The following OCIAD1 variants were observed in gnomAD, a reference collection of about 807,000 sequenced individuals.
OCIAD1 encodes OCIA domain containing 1.
A neutral mutation model predicts 38.9 loss-of-function variants in OCIAD1; 29 were observed. The observed-to-expected ratio is 0.74, with a 90% CI of 0.55 to 1.02. The LOEUF (loss-of-function observed/expected upper bound fraction) is 1.02, where lower values mean the gene tolerates loss of function less well. OCIAD1 is among the 50% of genes least tolerant of loss of function. OCIAD1 has a pLI of 0.00. For missense variants in OCIAD1, 288 were observed against 289.6 expected (o/e 0.99, Z 0.04); for synonymous variants, 110 against 92.0 (o/e 1.20, Z -1.12).
chr4:48,809,417 A>C (rs1356355525), intron 1 of OCIAD1, among the ~76,000 whole-genome samples: 1 of 152,010 alleles, frequency 6.6e-6, no homozygotes, highest in Non-Finnish European at 1.5e-5. Flanking sequence ...CCAGCTACTT[A>C]GGGAGGCTGA....
At chr4:48,823,422 G>A (rs1265733996) in intron 1 of OCIAD1, among the ~76,000 whole-genome samples, 2 of 151,934 alleles carry the variant, frequency 1.3e-5, no homozygotes, top group South Asian at 2.1e-4. Flanking sequence ...GAGGGAGAGC[G>A]TTAGGGCAAA....
At chr4:48,833,009 G>A (rs1314074175) in intron 2 of OCIAD1, among the ~76,000 whole-genome samples, 5 of 152,104 alleles carry the variant, frequency 3.3e-5, no homozygotes, top group African/African-American at 1.2e-4. Flanking sequence ...CCAGCACTTT[G>A]GGAGGCTGAG....
intron 1 of OCIAD1, among the ~76,000 whole-genome samples, chr4:48,816,914 G>A (rs1777148992): frequency 6.6e-6 from 1 of 152,196 alleles, no homozygotes; most frequent in African/African-American, 2.4e-5. Flanking sequence ...AGGTTGCAGT[G>A]AGTGGAGATT....
chr4:48,817,132 T>C (rs186500965), intron 1 of OCIAD1, among the ~76,000 whole-genome samples: 16 of 152,212 alleles, frequency 1.1e-4, no homozygotes, highest in African/African-American at 2.4e-5. Context: ...GTCCAACTCA[T>C]GGAGAGTAAG....
intron 1 of OCIAD1, among the ~76,000 whole-genome samples, chr4:48,813,900 T>C (rs1376341446): frequency 2.6e-5 from 4 of 152,206 alleles, no homozygotes; most frequent in Non-Finnish European, 2.9e-5. Context: ...GTTGTAAAAA[T>C]ATATGTTTTA....
At chr4:48,848,134 TAC>T (rs1008881657) in intron 4 of OCIAD1, among the ~76,000 whole-genome samples, 1 of 152,044 alleles carries the variant, frequency 6.6e-6, no homozygotes, top group East Asian at 1.9e-4. Context: ...CAGTTTTTCA[TAC>T]ACACACACAT....
intron 4 of OCIAD1, among the ~76,000 whole-genome samples, chr4:48,846,066 C>G (rs1295413077): frequency 6.6e-6 from 1 of 152,212 alleles, no homozygotes; most frequent in Non-Finnish European, 1.5e-5. Context: ...TTAACTCTCT[C>G]TCTAGACTGT....
At chr4:48,830,326 G>A (rs1405134874), upstream of OCIAD1, among the ~76,000 whole-genome samples, 1 of 152,222 alleles carries the variant, frequency 6.6e-6, no homozygotes, top group Non-Finnish European at 1.5e-5. Context: ...AGAAAGAGAT[G>A]AGAAACCTGA....
At chr4:48,848,193 A>T (rs763013566) in intron 4 of OCIAD1, among the ~76,000 whole-genome samples, 1 of 151,904 alleles carries the variant, frequency 6.6e-6, no homozygotes, top group Non-Finnish European at 1.5e-5. Context: ...TTCTAAATTT[A>T]CCTGTTCTAA....
At chr4:48,851,746 CT>C (rs1779493628) in intron 6 of OCIAD1, 59 bp from the exon 7 acceptor site, 6 of 925,694 alleles carry the variant, frequency 6.5e-6, no homozygotes, top group Non-Finnish European at 1.0e-5. Context: ...TATTTTAACA[CT>C]TCTTTAAGAT....
At chr4:48,850,748 T>C (rs1163558087) in intron 6 of OCIAD1, among the ~76,000 whole-genome samples, 1 of 152,134 alleles carries the variant, frequency 6.6e-6, no homozygotes, top group Non-Finnish European at 1.5e-5. Context: ...TAATTTTTTG[T>C]ATTTTTTGAA....
At chr4:48,819,156 T>C (rs2109493407) in intron 1 of OCIAD1, among the ~76,000 whole-genome samples, 1 of 150,564 alleles carries the variant, frequency 6.6e-6, no homozygotes, top group Non-Finnish European at 1.5e-5. Flanking sequence ...AGGAAAAAAA[T>C]GTTAAGGGCA....
Position 48,808,601 on chromosome 4 carries a change from C to T in OCIAD1, c.-103+3271C>T, listed in dbSNP as rs1464126686. Among the ~76,000 whole-genome samples, 6 of 152,270 alleles carry T rather than the reference C, an allele frequency of 3.9e-5. No individual in the cohort carries two copies. In the East Asian group the frequency reaches 1.2e-3, roughly 29 times the overall value. ...GGCATTGCAGCATTTGGCTGGCTTG[C>T]CCTAACCCATTCCTCCACATGAAAA... On this transcript the variant is annotated intron_variant, in intron 1 of 6. Coordinates refer to the OCIAD1 transcript ENST00000504654.
intron 1 of OCIAD1, among the ~76,000 whole-genome samples, chr4:48,808,266 A>G (rs938434742): frequency 2.0e-5 from 3 of 152,124 alleles, no homozygotes; most frequent in Non-Finnish European, 4.4e-5. Flanking sequence ...CCAGGAGTTC[A>G]AGACCAGACT....
intron 7 of OCIAD1, chr4:48,856,842 G>T (rs1199924611): frequency 1.3e-5 from 2 of 153,110 alleles, no homozygotes; most frequent in African/African-American, 4.8e-5. Flanking sequence ...GTCCCTAGTA[G>T]AATATATTTC....
chr4:48,828,815 G>C (rs143586737), upstream of OCIAD1, among the ~76,000 whole-genome samples: 1 of 152,196 alleles, frequency 6.6e-6, no homozygotes, highest in Non-Finnish European at 1.5e-5. Context: ...AACGCTCACC[G>C]TGAGGGTCCG....
intron 4 of OCIAD1, among the ~76,000 whole-genome samples, chr4:48,844,441 C>G (rs1305266615): frequency 1.3e-5 from 2 of 151,960 alleles, no homozygotes; most frequent in African/African-American, 4.8e-5. Context: ...TGATAAAACC[C>G]CATCTCTACT....
intron 1 of OCIAD1, among the ~76,000 whole-genome samples, chr4:48,817,835 A>G (rs1173170853): frequency 1.3e-5 from 2 of 152,208 alleles, no homozygotes; most frequent in Non-Finnish European, 2.9e-5. Flanking sequence ...GTGGCAAAGC[A>G]GCTGTGGCCA....
At chr4:48,825,481 A>G (rs1256859163) in intron 1 of OCIAD1, among the ~76,000 whole-genome samples, 1 of 152,240 alleles carries the variant, frequency 6.6e-6, no homozygotes. Flanking sequence ...GAGATTTAGT[A>G]TGGGAAAGAA....
Sources: gnomAD v4.1 joint callset for allele counts (sites outside exome capture counted in the v4.1 genomes callset) on GRCh38, gnomAD v4.1.1 for gene constraint, MANE v1.5 for transcripts, NCBI Gene and HGNC (gene_info 2026-07-23, HGNC 2026-07-21) for gene names.